Variants in PPP1R37 observed in about 807,000 individuals in gnomAD.
PPP1R37 encodes the protein leucine rich repeat containing 68.
Under a neutral mutation model 61.0 loss-of-function variants are expected in PPP1R37, and 21 were observed. That is an observed-to-expected ratio of 0.34 (90% CI 0.24 to 0.50). The LOEUF is 0.50. PPP1R37 is among the 20% of genes least tolerant of loss of function. PPP1R37 has a pLI of 0.98. For missense variants in PPP1R37, 910 were observed against 952.7 expected, an observed-to-expected ratio of 0.96 and a Z score of 0.59; for synonymous variants, 443 against 433.5, an observed-to-expected ratio of 1.02 and a Z score of -0.27.
At chr19:45,132,622 GAT>G (rs1968492122) in intron 1 of PPP1R37, among the ~76,000 whole-genome samples, 2 of 152,154 alleles carry the variant, frequency 1.3e-5, no homozygotes, top group East Asian at 3.9e-4. Context: ...TTTTGGCAGA[GAT>G]GGTATCACCA....
chr19:45,126,147 C>T (rs1002394678), intron 1 of PPP1R37, among the ~76,000 whole-genome samples: 2 of 152,226 alleles, frequency 1.3e-5, no homozygotes, highest in Non-Finnish European at 2.9e-5. Context: ...CCACATGGGC[C>T]GGTCACTCAC....
intron 1 of PPP1R37, among the ~76,000 whole-genome samples, chr19:45,113,765 G>A (rs923026888): frequency 6.6e-6 from 1 of 152,148 alleles, no homozygotes; most frequent in Non-Finnish European, 1.5e-5. Context: ...AGTTCTCTCC[G>A]CCCCCTCACC....
Position 45,142,452 on chromosome 19 carries a change from G to A in PPP1R37, c.868G>A (p.Asp290Asn). The A allele has an allele frequency of 6.5e-7, 1 of 1,536,000 alleles. No homozygotes were observed. The highest frequency in any genetic ancestry group is 8.7e-7 in the Non-Finnish European group (1 of 1,146,884). Residue 290 changes from aspartate (D) to asparagine (N), a missense_variant, in exon 7 of 13, where the codon GAC (aspartate) becomes AAC (asparagine). Asp to Asn is a conservative substitution (Grantham distance 23). Transcript: ENST00000221462. ...GGACCTCCGGAACAACCACGTGCTA[G>A]ACTCGGGTGGGTGCAGTGGCCCACC... ...ILDLRNNHVL[D>N]SGLAYICEGL...
Position 45,134,509 on chromosome 19 carries a change from C to G in PPP1R37, c.203-4005C>G, listed in dbSNP as rs1397661492. On this transcript the variant is annotated intron_variant, in intron 1 of 12. Transcript: ENST00000221462. ...TCTTTTTTATTTGAATACATTTGGC[C>G]TCATTTCTAAGCAATAGTATTTGTA... Among the ~76,000 whole-genome samples, 4 of 151,068 alleles carry G rather than the reference C, an allele frequency of 2.6e-5. No individual in the cohort carries two copies. The East Asian group carries it at 7.7e-4, about 29-fold the overall frequency.
At chr19:45,109,695 G>A (rs920019467) in intron 1 of PPP1R37, among the ~76,000 whole-genome samples, 17 of 152,204 alleles carry the variant, frequency 1.1e-4, no homozygotes, top group African/African-American at 4.1e-4. Context: ...GGAGCCTCAA[G>A]TTTCAGCAGG....
chr19:45,139,060 C>T (rs768070594), intron 2 of PPP1R37, among the ~76,000 whole-genome samples: 1 of 151,862 alleles, frequency 6.6e-6, no homozygotes, highest in Non-Finnish European at 1.5e-5. Context: ...ATTACATGTG[C>T]ACGCCACCAT....
chr19:45,135,157 A>C (rs1330649924), intron 1 of PPP1R37, among the ~76,000 whole-genome samples: 2 of 152,170 alleles, frequency 1.3e-5, no homozygotes, highest in Non-Finnish European at 2.9e-5. Context: ...CTGAGGCAGG[A>C]GAATCGCTTG....
chr19:45,140,264 ACTGT>A lies in PPP1R37; in HGVS notation c.333_336del (p.Cys111TrpfsTer3). ...TTCACAGACCTCGGGCACCGCCTCGACTGTCTGGACCTGAAAGGTGTGTGTCTGG... is the reference window on the plus strand; with the variant it reads ...TTCACAGACCTCGGGCACCGCCTCGACTGGACCTGAAAGGTGTGTGTCTGG... On this transcript the variant is annotated frameshift_variant, in exon 3 of 13. Transcript: ENST00000221462. LOFTEE classifies it high-confidence loss of function. 6.5e-7 allele frequency: 1 copy of A among 1,536,018 alleles called. No homozygotes were observed. The highest frequency in any genetic ancestry group is 8.7e-7 in the Non-Finnish European group (1 of 1,146,854).
chr19:45,096,791 GTC>G (rs555348020), intron 1 of PPP1R37, among the ~76,000 whole-genome samples: 86 of 152,268 alleles, frequency 5.6e-4, no homozygotes, highest in African/African-American at 2.0e-3. Context: ...CTCTCGAGGA[GTC>G]CGTGCGTCTG....
Position 45,130,089 on chromosome 19 carries a change from C to T in PPP1R37, c.203-8425C>T, listed in dbSNP as rs1271145792. 6.6e-6 allele frequency among the ~76,000 whole-genome samples: 1 copy of T among 152,126 alleles called. No homozygotes were observed. Among genetic ancestry groups the T allele is most frequent in the Non-Finnish European group, 1.5e-5 (1 of 68,022 alleles). Reference sequence around the variant, plus strand: ...GCCAAGCAGGGGGATGCCTGGGCTGCAGGCATTGACTCGCCTGTGTCCCAC... The same window carrying T: ...GCCAAGCAGGGGGATGCCTGGGCTGTAGGCATTGACTCGCCTGTGTCCCAC... On this transcript the variant is annotated intron_variant, in intron 1 of 12. Transcript: ENST00000221462. This position sits in a 1 kb window ranked among gnomAD's most constrained non-coding sequence, Gnocchi z 4.4.
chr19:45,128,632 G>A (rs751683345), intron 1 of PPP1R37: 133 of 1,256,674 alleles, frequency 1.1e-4, no homozygotes, highest in Admixed American at 3.2e-4. Flanking sequence ...CCAATGCAGT[G>A]CTCAGCATTA....
rs564097784 is a variant in PPP1R37, at chr19:45,127,991, A to T, written c.203-10523A>T. Among the ~76,000 whole-genome samples, 715 of 151,946 alleles carry T rather than the reference A, an allele frequency of 4.7e-3. 6 individuals carry two copies. Among genetic ancestry groups the T allele is most frequent in the Middle Eastern group, 0.014 (4 of 294 alleles). On this transcript the variant is annotated intron_variant, in intron 1 of 12. Transcript: ENST00000221462. Reference sequence around the variant, plus strand: ...CTCCATCTCAAAAAAAAAAAAAAAAAAAGATAAATGTTTGAGGTGATATGC... The same window carrying T: ...CTCCATCTCAAAAAAAAAAAAAAAATAAGATAAATGTTTGAGGTGATATGC...
intron 8 of PPP1R37, chr19:45,144,390 C>G (rs551194861): frequency 6.4e-6 from 1 of 156,450 alleles, no homozygotes; most frequent in African/African-American, 2.4e-5. Context: ...CTCGAGTGAT[C>G]CCCCCCACCT....
At chr19:45,104,248 G>A (rs1019872923) in intron 1 of PPP1R37, among the ~76,000 whole-genome samples, 1 of 152,116 alleles carries the variant, frequency 6.6e-6, no homozygotes, top group African/African-American at 2.4e-5. Flanking sequence ...TTATTTGTTC[G>A]GGCCCATCTC....
In PPP1R37 at chr19:45,121,689, C is replaced by A. The variant is rs1968344134; in HGVS notation, c.203-16825C>A. On this transcript the variant is annotated intron_variant, in intron 1 of 12. Transcript: ENST00000221462. The surrounding 1 kb of genome is among the most constrained non-coding windows in gnomAD (Gnocchi z 4.2). ...TGGTGTGAGCCCTGCTCTTGAGGGG[C>A]CTCTGGATGCCCGCGGTGGGGTGCT... Among the ~76,000 whole-genome samples, 1 of 152,182 alleles carries A rather than the reference C, an allele frequency of 6.6e-6. No individual in the cohort carries two copies. Among genetic ancestry groups the A allele is most frequent in the Non-Finnish European group, 1.5e-5 (1 of 68,034 alleles).
At chr19:45,094,712 G>A (rs185113529) in intron 1 of PPP1R37, among the ~76,000 whole-genome samples, 1 of 150,864 alleles carries the variant, frequency 6.6e-6, no homozygotes, top group Non-Finnish European at 1.5e-5. Flanking sequence ...TGGGTGACAA[G>A]AGCAAAACTC....
Position 45,120,456 on chromosome 19 carries a change from G to A in PPP1R37, c.203-18058G>A, listed in dbSNP as rs796290407. On this transcript the variant is annotated intron_variant, in intron 1 of 12. Transcript: ENST00000221462. ...CTCTGTGGCGGCAGGGCTCCACTGCGTGGATGAACTCTGGGGAGCTAGCCG... is the reference window on the plus strand; with the variant it reads ...CTCTGTGGCGGCAGGGCTCCACTGCATGGATGAACTCTGGGGAGCTAGCCG... 6.6e-5 allele frequency among the ~76,000 whole-genome samples: 10 copies of A among 152,312 alleles called. 1 individual carries two copies. The highest frequency in any genetic ancestry group is 1.9e-4 in the African/African-American group (8 of 41,554).
chr19:45,093,312 AG>A lies in PPP1R37; in HGVS notation c.-12del, dbSNP rs1967945585. ...GCATGTCCCCGGGGCCCCCGTGAGG[AG>A]GCGGCGGCGGCTATGGAGATCGCGC... is the stretch of plus-strand genomic sequence containing the variant. On this transcript the variant is annotated 5_prime_UTR_variant, in exon 1 of 13. Coordinates refer to ENST00000221462, the MANE Select transcript of PPP1R37 (RefSeq NM_019121.2). 7.1e-7 allele frequency: 1 copy of A among 1,403,138 alleles called. No individual in the cohort carries two copies. Among genetic ancestry groups the A allele is most frequent in the African/African-American group, 1.5e-5 (1 of 65,422 alleles). 86.9% of individuals were successfully genotyped at this position (1,403,138 alleles called of 1,614,324 possible).
rs560297274 is a variant in PPP1R37 at position 45,121,580 on chromosome 19, C to T, written c.203-16934C>T. 3.9e-5 allele frequency among the ~76,000 whole-genome samples: 6 copies of T among 152,342 alleles called. No homozygotes were observed. Among genetic ancestry groups the T allele is most frequent in the Admixed American group, 6.5e-5 (1 of 15,306 alleles). On this transcript the variant is annotated intron_variant, in intron 1 of 12. Coordinates refer to ENST00000221462, the MANE Select transcript of PPP1R37 (RefSeq NM_019121.2). This position sits in a 1 kb window ranked among gnomAD's most constrained non-coding sequence, Gnocchi z 4.2. ...TACCCAGGAAACCTGACCAGTGCCA[C>T]GCAGTGAATATACAGGGTCCTCACG... is the stretch of plus-strand genomic sequence containing the variant.
Sources: allele counts gnomAD v4.1 joint callset (sites outside exome capture counted in the v4.1 genomes callset), GRCh38; gene constraint gnomAD v4.1.1; non-coding constraint Gnocchi (gnomAD v3.1); transcripts MANE v1.5; gene names NCBI Gene and HGNC (gene_info 2026-07-23, HGNC 2026-07-21).